Variants in SEPTIN2 observed in about 807,000 individuals in gnomAD.
SEPTIN2 encodes the protein septin-2.
A neutral mutation model predicts 46.5 loss-of-function variants in SEPTIN2; 34 were observed. The observed-to-expected ratio is 0.73, with a 90% CI of 0.56 to 0.97. The LOEUF is 0.97. Ranked by LOEUF, SEPTIN2 falls within the 50% of genes least tolerant of loss-of-function variation. The pLI, the probability that SEPTIN2 is intolerant of heterozygous loss-of-function variation, is 0.00. For missense variants in SEPTIN2, 347 were observed against 448.4 expected (o/e 0.77, Z 2.04); for synonymous variants, 175 against 153.4 (o/e 1.14, Z -1.04).
At position 241,337,386 on chromosome 2, in the gene SEPTIN2, A is replaced by G; in HGVS notation, c.346A>G (p.Lys116Glu). Reference protein sequence around the residue: ...GDAINCRDCFKTIISYIDEQF... With the variant: ...GDAINCRDCFETIISYIDEQF... ...TAATGTTTCTGTTTCTCTCAGTTTT[A>G]AGACAATTATCTCCTATATTGATGA... The change falls in exon 6 of 13, where the codon AAG becomes GAG. Residue 116 changes from lysine to glutamate, a missense_variant. Coordinates refer to ENST00000391971, the MANE Select transcript of SEPTIN2 (RefSeq NM_004404.5). 1 of 1,612,540 alleles carries G rather than the reference A, an allele frequency of 6.2e-7. No individual in the cohort carries two copies. The highest frequency in any genetic ancestry group is 8.5e-7 in the Non-Finnish European group (1 of 1,179,354).
At chr2:241,330,342 A>C (rs191234179) in intron 3 of SEPTIN2, among the ~76,000 whole-genome samples, 92 of 152,350 alleles carry the variant, frequency 6.0e-4, no homozygotes, top group Middle Eastern at 3.4e-3. Flanking sequence ...GAATTATACC[A>C]GTCCACATGT....
At chr2:241,336,131 G>T (rs763401725) in intron 5 of SEPTIN2, 33 bp downstream of exon 5, 5 of 1,606,930 alleles carry the variant, frequency 3.1e-6, no homozygotes, top group Non-Finnish European at 4.3e-6. Context: ...ATCTGCATTT[G>T]TTTACTTAAT....
chr2:241,337,101 A>G, intron 5 of SEPTIN2: 1 of 290,322 alleles, frequency 3.4e-6, no homozygotes, highest in Non-Finnish European at 6.4e-6. Context: ...CTCAAAAAAA[A>G]AAAGAACGAA....
Position 241,349,184 on chromosome 2 carries a change from A to AC in SEPTIN2, c.985-883dup, listed in dbSNP as rs908316970. On this transcript the variant is annotated intron_variant, in intron 11 of 12. Transcript: ENST00000391971. ...AGACCAGCTAGGGCAACAGAGTGAG[A>AC]CCCCCCTCGTTCTCTAGAAAAAAAT... 3.3e-5 allele frequency among the ~76,000 whole-genome samples: 5 copies of AC among 151,684 alleles called. No individual in the cohort carries two copies. In the South Asian group the frequency reaches 8.3e-4, roughly 25 times the overall value.
chr2:241,330,791 A>C (rs974056999), intron 3 of SEPTIN2, among the ~76,000 whole-genome samples: 3 of 152,256 alleles, frequency 2.0e-5, no homozygotes, highest in Non-Finnish European at 4.4e-5. Context: ...GCAACATTCA[A>C]AGTCATTGTC....
chr2:241,343,620 C>T lies in SEPTIN2; in HGVS notation c.697-132C>T, dbSNP rs2081560603. The T allele has an allele frequency of 7.4e-6, 7 of 943,354 alleles. No homozygotes were observed. In the East Asian group the frequency reaches 1.2e-4, roughly 17 times the overall value. 58.4% of individuals were successfully genotyped at this position (943,354 alleles called of 1,614,324 possible). On this transcript the variant is annotated intron_variant, in intron 8 of 12. Coordinates refer to ENST00000391971, the MANE Select transcript of SEPTIN2 (RefSeq NM_004404.5). ...TCTGACACTTTTCAAGAAAATGTTA[C>T]ATACCCCCAGCTTTCCAATTCAGTT...
chr2:241,332,670 A>G (rs543645923), intron 3 of SEPTIN2, among the ~76,000 whole-genome samples: 6 of 152,390 alleles, frequency 3.9e-5, no homozygotes, highest in South Asian at 2.1e-4. Flanking sequence ...AAAGATTTGT[A>G]TATGAATATT....
intron 11 of SEPTIN2, among the ~76,000 whole-genome samples, chr2:241,349,383 A>AT (rs59395303): frequency 0.22 from 33,202 of 148,560 alleles, 4,277 homozygotes; most frequent in East Asian, 0.4. Context: ...AAAAAAAAAA[A>AT]ATATATATAT....
intron 1 of SEPTIN2, among the ~76,000 whole-genome samples, chr2:241,321,991 T>A (rs1353530490): frequency 6.6e-6 from 1 of 152,172 alleles, no homozygotes; most frequent in Non-Finnish European, 1.5e-5. Flanking sequence ...TTTGCTGAAA[T>A]TAAAGGCTCT....
chr2:241,348,475 C>T (rs56353567), intron 11 of SEPTIN2, among the ~76,000 whole-genome samples: 24,824 of 152,046 alleles, frequency 0.16, 2,396 homozygotes, highest in East Asian at 0.38. Flanking sequence ...AGGTGATCTG[C>T]CCACCTTGGC....
At chr2:241,341,589 G>T (rs1331635613) in intron 7 of SEPTIN2, among the ~76,000 whole-genome samples, 1 of 152,194 alleles carries the variant, frequency 6.6e-6, no homozygotes, top group Non-Finnish European at 1.5e-5. Context: ...TCCCATTTAG[G>T]AATAAGGATT....
intron 7 of SEPTIN2, among the ~76,000 whole-genome samples, chr2:241,338,880 T>G (rs1443427364): frequency 1.4e-5 from 1 of 71,418 alleles, no homozygotes; most frequent in Non-Finnish European, 2.5e-5. Context: ...ATTTAATATA[T>G]CTATAATATA....
intron 5 of SEPTIN2, 43 bp from the exon 6 acceptor site, chr2:241,337,339 T>G: frequency 6.3e-7 from 1 of 1,584,520 alleles, no homozygotes; most frequent in Admixed American, 1.8e-5. Flanking sequence ...GGACCCCCTG[T>G]TTTATACCCT....
intron 7 of SEPTIN2, among the ~76,000 whole-genome samples, chr2:241,339,729 C>A (rs1353014965): frequency 6.6e-6 from 1 of 152,146 alleles, no homozygotes; most frequent in East Asian, 1.9e-4. Context: ...ATACCCTCTG[C>A]CTGGAACAGT....
chr2:241,344,048 G>A, intron 9 of SEPTIN2, 151 bp downstream of exon 9: 1 of 976,650 alleles, frequency 1.0e-6, no homozygotes. Flanking sequence ...GTGTGGGGCT[G>A]TTGCAGATTG....
intron 3 of SEPTIN2, among the ~76,000 whole-genome samples, chr2:241,327,396 A>C (rs2078169718): frequency 6.6e-6 from 1 of 152,002 alleles, no homozygotes; most frequent in Non-Finnish European, 1.5e-5. Flanking sequence ...CAGTAGAAGC[A>C]CAGTAAGGGA....
At chr2:241,318,772 C>G (rs1294330923) in intron 1 of SEPTIN2, among the ~76,000 whole-genome samples, 1 of 150,350 alleles carries the variant, frequency 6.7e-6, no homozygotes, top group East Asian at 2.0e-4. Context: ...GCGATCTCAG[C>G]TCACTGCACC....
At chr2:241,324,330 A>C in intron 2 of SEPTIN2, 89 bp downstream of exon 2, 2 of 997,270 alleles carry the variant, frequency 2.0e-6, no homozygotes. Context: ...ATGATTCATT[A>C]TTTTTAATAC....
chr2:241,334,683 C>T lies in SEPTIN2; in HGVS notation c.131-443C>T, dbSNP rs992970133. Among the ~76,000 whole-genome samples the T allele has an allele frequency of 4.6e-5, 7 of 152,046 alleles. No individual in the cohort carries two copies. The South Asian group carries it at 6.2e-4, about 13-fold the overall frequency. On this transcript the variant is annotated intron_variant, in intron 3 of 12. Transcript: ENST00000391971. ...GTCCTGCTCACACGTTTCTGCAGCT[C>T]GGGAAGCACAAGGGTTGTTGACACT...
Sources: allele counts gnomAD v4.1 joint callset (sites outside exome capture counted in the v4.1 genomes callset), GRCh38; gene constraint gnomAD v4.1.1; transcripts MANE v1.5; gene names NCBI Gene and HGNC (gene_info 2026-07-23, HGNC 2026-07-21).